Variants in TNNI1 observed in about 807,000 individuals in gnomAD.
TNNI1 encodes the protein troponin I, slow skeletal muscle.
In TNNI1, 14 loss-of-function variants were observed where a neutral mutation model predicts 26.7. The ratio of observed to expected loss-of-function variants is 0.52; its 90% CI spans 0.35 to 0.82. The LOEUF is 0.82. Ranked by LOEUF, TNNI1 falls within the 40% of genes least tolerant of loss-of-function variation. TNNI1 has a pLI of 0.01. For missense variants in TNNI1, 164 were observed against 257.0 expected, an observed-to-expected ratio of 0.64 and a Z score of 2.47; for synonymous variants, 79 against 98.2, an observed-to-expected ratio of 0.80 and a Z score of 1.16.
chr1:201,412,705 G>C (rs1337111809), intron 6 of TNNI1, among the ~76,000 whole-genome samples: 1 of 152,358 alleles, frequency 6.6e-6, no homozygotes, highest in East Asian at 1.9e-4. Context: ...AGGATCAAAG[G>C]CTATAACGAA....
rs554143166 is a variant in TNNI1, at chr1:201,411,159, G to T, written c.456+198C>A. Among the ~76,000 whole-genome samples, 2 of 152,308 alleles carry T rather than the reference G, an allele frequency of 1.3e-5. No individual in the cohort carries two copies. Among genetic ancestry groups the T allele is most frequent in the Admixed American group, 1.3e-4 (2 of 15,300 alleles). ...ATGTCCTAGTTTCTTCGTCAGACTG[G>T]GAACAGCCTGAAGGAAGGGAGCAAA... On this transcript the variant is annotated intron_variant, in intron 7 of 8. Transcript: ENST00000361379. The surrounding 1 kb of genome is among the most constrained non-coding windows in gnomAD (Gnocchi z 4.6).
intron 1 of TNNI1, among the ~76,000 whole-genome samples, chr1:201,420,112 C>T (rs900459379): frequency 6.6e-5 from 10 of 152,228 alleles, no homozygotes; most frequent in Admixed American, 2.0e-4. Flanking sequence ...GTGATCATGC[C>T]TCCCTGTCTC....
rs2102365771 is a variant in TNNI1, at chr1:201,404,478, T to C, written c.*4775A>G. 6.6e-6 allele frequency: 1 copy of C among 152,334 alleles called. No homozygotes were observed. The highest frequency in any genetic ancestry group is 6.5e-5 in the Admixed American group (1 of 15,298). The allele number at this position is 152,334 out of a possible 1,614,324, so 9.4% of individuals were successfully genotyped here. On this transcript the variant is annotated 3_prime_UTR_variant, in exon 9 of 9. Coordinates refer to ENST00000361379, the MANE Select transcript of TNNI1 (RefSeq NM_003281.4). Reference sequence around the variant, plus strand: ...CGGTTTTTACAAACTAATAATATTGTGTAATATAAATACTGACATTGTGCT... The same window carrying C: ...CGGTTTTTACAAACTAATAATATTGCGTAATATAAATACTGACATTGTGCT...
chr1:201,417,946 A>G (rs1662781560), intron 1 of TNNI1, 134 bp from the exon 2 acceptor site: 1 of 609,694 alleles, frequency 1.6e-6, no homozygotes, highest in Non-Finnish European at 2.5e-6. Context: ...GGATTCCAGC[A>G]GGTCAAGATG....
At chr1:201,414,719 G>A (rs1317421632) in intron 4 of TNNI1, 70 bp from the exon 5 acceptor site, 1 of 1,579,264 alleles carries the variant, frequency 6.3e-7, no homozygotes, top group East Asian at 2.2e-5. Flanking sequence ...TGAGGGGAGG[G>A]CAGCCACAGC....
intron 7 of TNNI1, among the ~76,000 whole-genome samples, chr1:201,410,883 C>T (rs902172928): frequency 6.6e-6 from 1 of 152,236 alleles, no homozygotes; most frequent in Non-Finnish European, 1.5e-5. Flanking sequence ...ATCCCTGTTC[C>T]TTACAGAGCC....
At position 201,411,948 on chromosome 1, in the gene TNNI1, G is replaced by A. The variant is rs1662642441; in HGVS notation, c.280-415C>T. On this transcript the variant is annotated intron_variant, in intron 6 of 8. Transcript: ENST00000361379. The surrounding 1 kb of genome is among the most constrained non-coding windows in gnomAD (Gnocchi z 4.6). ...TGCTCACCTGCTGCAGTGTGGCCCA[G>A]TTCCTAACAGGCCACGGACAGGTAC... 6.6e-6 allele frequency among the ~76,000 whole-genome samples: 1 copy of A among 152,192 alleles called. No homozygotes were observed. The highest frequency in any genetic ancestry group is 1.5e-5 in the Non-Finnish European group (1 of 68,034).
chr1:201,412,891 G>A (rs1662662547), intron 6 of TNNI1, 141 bp downstream of exon 6: 2 of 787,628 alleles, frequency 2.5e-6, no homozygotes, highest in Non-Finnish European at 4.4e-6. Context: ...ATGGGGCTAG[G>A]GCAGACAAAC....
intron 3 of TNNI1, among the ~76,000 whole-genome samples, chr1:201,415,627 G>A (rs899508181): frequency 6.6e-6 from 1 of 152,142 alleles, no homozygotes; most frequent in Non-Finnish European, 1.5e-5. Flanking sequence ...TGAGATCATG[G>A]ATGTGCAAAT....
chr1:201,409,782 G>A (rs890954812), intron 8 of TNNI1: 2 of 152,364 alleles, frequency 1.3e-5, no homozygotes, highest in Non-Finnish European at 1.5e-5. Flanking sequence ...TCTGTGAGTG[G>A]TAGCTCCTTG....
chr1:201,420,434 C>T (rs1409367556), intron 1 of TNNI1, among the ~76,000 whole-genome samples: 4 of 151,964 alleles, frequency 2.6e-5, no homozygotes, highest in South Asian at 2.1e-4. Context: ...ATCCTCCCCC[C>T]GAGGGGGGGA....
Position 201,408,912 on chromosome 1 carries a change from T to C in TNNI1, c.*341A>G, listed in dbSNP as rs1662579408. 6.6e-6 allele frequency: 1 copy of C among 152,188 alleles called. No homozygotes were observed. Among genetic ancestry groups the C allele is most frequent in the Non-Finnish European group, 1.5e-5 (1 of 68,050 alleles). 9.4% of individuals were successfully genotyped at this position (152,188 alleles called of 1,614,324 possible). A position where few individuals can be genotyped will look rare whatever the true frequency, so the allele number is the denominator to read the frequency against. Reference sequence around the variant, plus strand: ...AAGAAGGTGTGATGCCTGTGGACACTGTACACACATAGAAGGAGTGTGGCA... The same window carrying C: ...AAGAAGGTGTGATGCCTGTGGACACCGTACACACATAGAAGGAGTGTGGCA... On this transcript the variant is annotated 3_prime_UTR_variant, in exon 9 of 9. Transcript: ENST00000361379.
At chr1:201,414,086 T>C (rs1269131396) in intron 5 of TNNI1, among the ~76,000 whole-genome samples, 2 of 152,244 alleles carry the variant, frequency 1.3e-5, no homozygotes, top group Non-Finnish European at 2.9e-5. Flanking sequence ...CTTAGTAACA[T>C]TTTGATATAC....
In TNNI1 at chr1:201,411,631, C is replaced by T. The variant is rs1050659011; in HGVS notation, c.280-98G>A. On this transcript the variant is annotated intron_variant, in intron 6 of 8. Transcript: ENST00000361379. This position sits in a 1 kb window ranked among gnomAD's most constrained non-coding sequence, Gnocchi z 4.6. ...ACTGCTAGGGTTCCAGCCAGAGATA[C>T]ACCTTAAATTGTCCACCCTTGAAGC... 11 of 1,272,970 alleles carry T rather than the reference C, an allele frequency of 8.6e-6. No individual in the cohort carries two copies. In the South Asian group the frequency reaches 1.6e-4, roughly 19 times the overall value. 78.9% of individuals were successfully genotyped at this position (1,272,970 alleles called of 1,614,324 possible).
intron 3 of TNNI1, among the ~76,000 whole-genome samples, chr1:201,416,908 C>G (rs748290968): frequency 2.6e-5 from 4 of 152,142 alleles, no homozygotes; most frequent in Non-Finnish European, 5.9e-5. Context: ...CAGCAACTCC[C>G]TGGACACTAG....
intron 8 of TNNI1, among the ~76,000 whole-genome samples, chr1:201,409,668 T>A (rs988183995): frequency 6.6e-6 from 1 of 152,204 alleles, no homozygotes; most frequent in Admixed American, 6.5e-5. Context: ...GCCTGCCCTA[T>A]TGCACATTCT....
intron 1 of TNNI1, among the ~76,000 whole-genome samples, chr1:201,420,555 G>A (rs1447656478): frequency 6.6e-6 from 1 of 152,204 alleles, no homozygotes; most frequent in East Asian, 1.9e-4. Flanking sequence ...GTGTGTAAGT[G>A]TGTGTAAGTG....
At chr1:201,421,520 G>C (rs891354555) in intron 1 of TNNI1, among the ~76,000 whole-genome samples, 153 bp downstream of exon 1, 1 of 152,200 alleles carries the variant, frequency 6.6e-6, no homozygotes, top group African/African-American at 2.4e-5. Flanking sequence ...AATGCTGTGG[G>C]AGTATTTTAG....
intron 4 of TNNI1, 127 bp downstream of exon 4, chr1:201,415,086 C>G: frequency 1.2e-6 from 1 of 852,334 alleles, no homozygotes; most frequent in Non-Finnish European, 1.9e-6. Flanking sequence ...GACTCCTGCC[C>G]CTCATCATCC....
Sources: allele counts gnomAD v4.1 joint callset (sites outside exome capture counted in the v4.1 genomes callset), GRCh38; gene constraint gnomAD v4.1.1; non-coding constraint Gnocchi (gnomAD v3.1); transcripts MANE v1.5; gene names NCBI Gene and HGNC (gene_info 2026-07-23, HGNC 2026-07-21).